ADARB1: variants seen among roughly 807,000 people sequenced by gnomAD.
ADARB1 encodes adenosine deaminase RNA specific B1.
In ADARB1, 10 loss-of-function variants were observed where a neutral mutation model predicts 52.4. That is an observed-to-expected ratio of 0.19 (90% CI 0.12 to 0.32). ADARB1 has a LOEUF of 0.32. ADARB1 is among the 10% of genes least tolerant of loss of function. ADARB1 has a pLI of 1.00. For missense variants in ADARB1, 643 were observed against 922.3 expected, an observed-to-expected ratio of 0.70 and a Z score of 3.92; for synonymous variants, 349 against 371.1, an observed-to-expected ratio of 0.94 and a Z score of 0.68.
At chr21:45,202,897 G>A (rs765242480) in intron 8 of ADARB1, among the ~76,000 whole-genome samples, 19 of 149,006 alleles carry the variant, frequency 1.3e-4, no homozygotes, top group African/African-American at 3.5e-4. Context: ...CCCCTGAAGC[G>A]CATGCCACAC....
rs897680953 is a variant in ADARB1 at position 45,223,718 on chromosome 21, T to TAGG, written c.*1521_*1522insAGG. 1 of 985,024 alleles carries TAGG rather than the reference T, an allele frequency of 1.0e-6. No homozygotes were observed. The highest frequency in any genetic ancestry group is 1.8e-5 in the African/African-American group (1 of 57,084). 61.0% of individuals were successfully genotyped at this position (985,024 alleles called of 1,614,324 possible). ...CCAGAGCAGGGGCAGAGGGGCGTCA[T>TAGG]CCTCCCACCGGACGCTGGGAGCTCA... On this transcript the variant is annotated 3_prime_UTR_variant, in exon 11 of 11. Coordinates refer to ENST00000348831, the MANE Select transcript of ADARB1 (RefSeq NM_001112.4).
rs935601790 is a variant in ADARB1 at position 45,176,729 on chromosome 21, A to G, written c.963+65A>G. Reference sequence around the variant, plus strand: ...GCTCTTGGTAATGCTTCTAGACAGCATTTTAGTTTCAGGATTACTGTTGAC... The same window carrying G: ...GCTCTTGGTAATGCTTCTAGACAGCGTTTTAGTTTCAGGATTACTGTTGAC... On this transcript the variant is annotated intron_variant, in intron 4 of 10. Transcript: ENST00000348831. The surrounding 1 kb of genome is among the most constrained non-coding windows in gnomAD (Gnocchi z 5.8). The G allele has an allele frequency of 2.0e-6, 3 of 1,471,652 alleles. No homozygotes were observed. The Admixed American group carries it at 6.6e-5, about 32-fold the overall frequency. 91.2% of individuals were successfully genotyped at this position (1,471,652 alleles called of 1,614,324 possible).
At position 45,128,909 on chromosome 21, in the gene ADARB1, C is replaced by G. The variant is rs997475001; in HGVS notation, c.-48+336C>G. 3.3e-5 allele frequency among the ~76,000 whole-genome samples: 5 copies of G among 152,174 alleles called. No individual in the cohort carries two copies. Among genetic ancestry groups the G allele is most frequent in the Non-Finnish European group, 7.4e-5 (5 of 68,022 alleles). ...TCAGTGCTTCATGCCGGGCACTAGA[C>G]TTGGTGAAAGCCTTTTACCATCAAT... On this transcript the variant is annotated intron_variant, in intron 2 of 10. Transcript: ENST00000348831. The surrounding 1 kb of genome is among the most constrained non-coding windows in gnomAD (Gnocchi z 4.6).
chr21:45,171,899 G>A, intron 3 of ADARB1: 1 of 556,024 alleles, frequency 1.8e-6, no homozygotes, highest in Non-Finnish European at 3.2e-6. Context: ...TATCGTCGTG[G>A]GGCATCACTG....
chr21:45,136,901 TA>T (rs971636675), intron 2 of ADARB1, among the ~76,000 whole-genome samples: 10 of 152,186 alleles, frequency 6.6e-5, no homozygotes, highest in African/African-American at 2.4e-4. Flanking sequence ...AGCATCAAGT[TA>T]AAAAAATTCC....
chr21:45,102,474 A>C (rs2087062336), intron 1 of ADARB1, among the ~76,000 whole-genome samples: 1 of 152,184 alleles, frequency 6.6e-6, no homozygotes, highest in Admixed American at 6.5e-5. Context: ...TAGAGTGAGC[A>C]TTCTTTATTG....
At chr21:45,169,401 G>T (rs539638218) in intron 2 of ADARB1, among the ~76,000 whole-genome samples, 1 of 152,148 alleles carries the variant, frequency 6.6e-6, no homozygotes, top group Non-Finnish European at 1.5e-5. Context: ...CTGGTCCTTT[G>T]GCCAGAGAGA....
At chr21:45,219,210 A>G (rs768322047) in intron 9 of ADARB1, among the ~76,000 whole-genome samples, 5 of 152,206 alleles carry the variant, frequency 3.3e-5, no homozygotes, top group Non-Finnish European at 7.4e-5. Flanking sequence ...TGCTGATCCT[A>G]GCCATTTAGA....
chr21:45,223,269 T>C lies in ADARB1; in HGVS notation c.*1072T>C. 1 of 985,308 alleles carries C rather than the reference T, an allele frequency of 1.0e-6. No homozygotes were observed. The highest frequency in any genetic ancestry group is 1.2e-6 in the Non-Finnish European group (1 of 829,848). 61.0% of individuals were successfully genotyped at this position (985,308 alleles called of 1,614,324 possible). ...CTTTATCAAAGACATGTTTGAAAAA[T>C]AAAAAGCATCCAAGTGAGAGCTGGT... On this transcript the variant is annotated 3_prime_UTR_variant, in exon 11 of 11. Coordinates refer to ENST00000348831, the MANE Select transcript of ADARB1 (RefSeq NM_001112.4).
intron 1 of ADARB1, among the ~76,000 whole-genome samples, chr21:45,089,250 G>T (rs2086468005): frequency 6.6e-6 from 1 of 152,236 alleles, no homozygotes; most frequent in South Asian, 2.1e-4. Context: ...TTTAGAGGAA[G>T]CTGGGAGAAG....
At position 45,226,256 on chromosome 21, in the gene ADARB1, A is replaced by G. The variant is rs938196682; in HGVS notation, c.*4059A>G. Reference sequence around the variant, plus strand: ...CCATTAAACATGAACTGAACGGTTAAAAGCACAGTCTATGGAACGCTAATG... The same window carrying G: ...CCATTAAACATGAACTGAACGGTTAGAAGCACAGTCTATGGAACGCTAATG... On this transcript the variant is annotated 3_prime_UTR_variant, in exon 11 of 11. Coordinates refer to ENST00000348831, the MANE Select transcript of ADARB1 (RefSeq NM_001112.4). The G allele has an allele frequency of 2.0e-5, 3 of 152,572 alleles. No individual in the cohort carries two copies. Among genetic ancestry groups the G allele is most frequent in the African/African-American group, 4.8e-5 (2 of 41,466 alleles). 9.5% of individuals were successfully genotyped at this position (152,572 alleles called of 1,614,324 possible).
intron 1 of ADARB1, among the ~76,000 whole-genome samples, chr21:45,116,087 G>A (rs1386862260): frequency 6.6e-6 from 1 of 152,232 alleles, no homozygotes; most frequent in East Asian, 1.9e-4. Flanking sequence ...GAAAAGGTAA[G>A]TGCTTTCGGG....
chr21:45,156,002 T>TCATCTATCTATCCATC, intron 2 of ADARB1, among the ~76,000 whole-genome samples: 1 of 66,394 alleles, frequency 1.5e-5, no homozygotes, highest in East Asian at 5.7e-4. Context: ...CCATCATCCA[T>TCATCTATCTATCCATC]CATCCACTCA....
At chr21:45,131,264 T>TGGTGA (rs2088914879) in intron 2 of ADARB1, among the ~76,000 whole-genome samples, 1 of 152,218 alleles carries the variant, frequency 6.6e-6, no homozygotes, top group African/African-American at 2.4e-5. Context: ...GGTACTGAGC[T>TGGTGA]GGTGACCTGA....
At chr21:45,197,853 C>T (rs1256117053) in intron 8 of ADARB1, among the ~76,000 whole-genome samples, 3 of 152,184 alleles carry the variant, frequency 2.0e-5, no homozygotes, top group East Asian at 1.9e-4. Context: ...GTATATATCT[C>T]GGGAGAATGC....
chr21:45,133,575 G>A (rs1190541934), intron 2 of ADARB1: 1 of 176,072 alleles, frequency 5.7e-6, no homozygotes, highest in African/African-American at 2.4e-5. Context: ...CCGCCTGCAA[G>A]GCAGGGGAGT....
rs2091719890 is a variant in ADARB1, at chr21:45,176,919, A to G, written c.963+255A>G. Reference sequence around the variant, plus strand: ...CACCTGAGACCCCGTCCACCAGAGCAGTGTTTACAACACTATCCATAACTC... The same window carrying G: ...CACCTGAGACCCCGTCCACCAGAGCGGTGTTTACAACACTATCCATAACTC... On this transcript the variant is annotated intron_variant, in intron 4 of 10. Coordinates refer to ENST00000348831, the MANE Select transcript of ADARB1 (RefSeq NM_001112.4). This position sits in a 1 kb window ranked among gnomAD's most constrained non-coding sequence, Gnocchi z 5.8. 1 of 509,970 alleles carries G rather than the reference A, an allele frequency of 2.0e-6. No homozygotes were observed. Among genetic ancestry groups the G allele is most frequent in the Non-Finnish European group, 3.5e-6 (1 of 288,730 alleles). 31.6% of individuals were successfully genotyped at this position (509,970 alleles called of 1,614,324 possible).
At chr21:45,086,789 G>A (rs940083147) in intron 1 of ADARB1, among the ~76,000 whole-genome samples, 19 of 152,214 alleles carry the variant, frequency 1.2e-4, no homozygotes, top group Non-Finnish European at 1.9e-4. Context: ...GCATGTCTGC[G>A]TGTGGATGTG....
chr21:45,133,849 G>A (rs1345369645), intron 2 of ADARB1, among the ~76,000 whole-genome samples: 6 of 140,464 alleles, frequency 4.3e-5, no homozygotes, highest in Non-Finnish European at 7.8e-5. Flanking sequence ...TGCGCCCGCC[G>A]GGTGTGCGCC....
Sources: gnomAD v4.1 joint callset for allele counts (sites outside exome capture counted in the v4.1 genomes callset) on GRCh38, gnomAD v4.1.1 for gene constraint, Gnocchi (gnomAD v3.1) non-coding constraint, MANE v1.5 for transcripts, NCBI Gene and HGNC (gene_info 2026-07-23, HGNC 2026-07-21) for gene names.